COMP: variants seen among roughly 807,000 people sequenced by gnomAD.
COMP encodes the protein cartilage oligomeric matrix protein (pseudoachondroplasia, epiphyseal dysplasia 1, multiple).
A neutral mutation model predicts 95.8 loss-of-function variants in COMP; 79 were observed. That is an observed-to-expected ratio of 0.82 (90% CI 0.69 to 0.99). COMP has a LOEUF of 0.99. COMP is among the 50% of genes least tolerant of loss of function. The pLI, the probability that COMP is intolerant of heterozygous loss-of-function variation, is 0.00. For synonymous variants in COMP, 438 were observed against 433.9 expected (o/e 1.01, Z -0.12); for missense variants, 906 against 1,076.1 (o/e 0.84, Z 2.21).
chr19:18,785,918 A>G (rs1568554745), intron 13 of COMP, 47 bp downstream of exon 13: 5 of 1,596,890 alleles, frequency 3.1e-6, no homozygotes, highest in Admixed American at 1.7e-5. Flanking sequence ...CCGCGCCAGG[A>G]GCCCCCACTG....
rs1010371161 is a variant in COMP, at chr19:18,782,846, G to C, written c.*69C>G. ...CCCCTCAGGACGGCCACCCCTTGGGGCTGGGTGCAGAGCCCCCATCCAGCC... is the reference window on the plus strand; with the variant it reads ...CCCCTCAGGACGGCCACCCCTTGGGCCTGGGTGCAGAGCCCCCATCCAGCC... On this transcript the variant is annotated 3_prime_UTR_variant, in exon 19 of 19. Coordinates refer to ENST00000222271, the MANE Select transcript of COMP (RefSeq NM_000095.3). 6.4e-7 allele frequency: 1 copy of C among 1,569,030 alleles called. No homozygotes were observed. The highest frequency in any genetic ancestry group is 8.7e-7 in the Non-Finnish European group (1 of 1,149,592).
In COMP at chr19:18,788,435, C is replaced by A; in HGVS notation, c.842G>T (p.Arg281Leu). ...DLDGFPDEKL[R>L]CPERQCRKDN... Reference sequence around the variant, plus strand: ...CTTACGGCACTGGCGCTCCGGGCAGCGCAGCTTCTCGTCCGGGAAGCCGTC... The same window carrying A: ...CTTACGGCACTGGCGCTCCGGGCAGAGCAGCTTCTCGTCCGGGAAGCCGTC... Residue 281 changes from arginine to leucine, a missense_variant, in exon 8 of 19, where the codon CGC becomes CTC. By Grantham distance (102) the Arg-to-Leu change is moderately radical (BLOSUM62 -2). Transcript: ENST00000222271. The surrounding 1 kb of genome is among the most constrained non-coding windows in gnomAD (Gnocchi z 4.7). The A allele has an allele frequency of 6.2e-7, 1 of 1,610,270 alleles. No individual in the cohort carries two copies.
At chr19:18,785,940 A>G (rs761831829) in intron 13 of COMP, 25 bp downstream of exon 13, 13 of 1,191,538 alleles carry the variant, frequency 1.1e-5, no homozygotes, top group South Asian at 2.7e-5. Flanking sequence ...CCCCGCCCCC[A>G]CCGCAGGCCC....
intron 2 of COMP, 55 bp downstream of exon 2, chr19:18,790,795 A>G: frequency 6.4e-7 from 1 of 1,566,744 alleles, no homozygotes; most frequent in Non-Finnish European, 8.6e-7. Flanking sequence ...CTCGCTGGGA[A>G]CTGAGACCCC....
Position 18,788,404 on chromosome 19 carries a change from A to T in COMP, c.867+6T>A. ...CCCAAGCCCGCCCCGCTCCGCCCCC[A>T]CCCACCTTACGGCACTGGCGCTCCG... On this transcript the variant is annotated splice_donor_region_variant and intron_variant, in intron 8 of 18. Transcript: ENST00000222271. This position sits in a 1 kb window ranked among gnomAD's most constrained non-coding sequence, Gnocchi z 4.7. 7.8e-6 allele frequency: 4 copies of T among 515,352 alleles called. No homozygotes were observed. The highest frequency in any genetic ancestry group is 1.3e-5 in the Non-Finnish European group (4 of 314,100). 31.9% of individuals were successfully genotyped at this position (515,352 alleles called of 1,614,324 possible). A position where few individuals can be genotyped will look rare whatever the true frequency, so the allele number is the denominator to read the frequency against.
Position 18,786,121 on chromosome 19 carries a change from G to C in COMP, c.1333C>G (p.Arg445Gly). The C allele has an allele frequency of 6.2e-7, 1 of 1,614,152 alleles. No individual in the cohort carries two copies. The highest frequency in any genetic ancestry group is 1.1e-5 in the South Asian group (1 of 91,080). Reference sequence around the variant, plus strand: ...TTAGGCACCGTGGGACAGTTGTCCCGAGAGTCCTGATGTCCGTCTCCATCC... The same window carrying C: ...TTAGGCACCGTGGGACAGTTGTCCCCAGAGTCCTGATGTCCGTCTCCATCC... ...DQDGDGHQDS[R>G]DNCPTVPNSA... The change falls in exon 13 of 19, where the codon CGG (arginine) becomes GGG (glycine). Residue 445 changes from arginine (R) to glycine (G), a missense_variant. Transcript: ENST00000222271.
chr19:18,788,355 C>G lies in COMP; in HGVS notation c.868-36G>C, dbSNP rs2055185213. The G allele has an allele frequency of 1.2e-6, 2 of 1,607,380 alleles. No homozygotes were observed. Among genetic ancestry groups the G allele is most frequent in the East Asian group, 2.2e-5 (1 of 44,836 alleles). On this transcript the variant is annotated intron_variant, in intron 8 of 18. Coordinates refer to ENST00000222271, the MANE Select transcript of COMP (RefSeq NM_000095.3). This position sits in a 1 kb window ranked among gnomAD's most constrained non-coding sequence, Gnocchi z 4.7. The stretch of plus-strand genomic sequence containing the variant: ...GCACAGAAGGTGTGAGGGGCGCGGT[C>G]ATGAAGTCCCGCCCTCCCTCCTGCC...
chr19:18,782,942 A>C lies in COMP; in HGVS notation c.2247T>G (p.Tyr749Ter). ...AGGCTTGCCGCAGCTGATGGGTCTC[A>C]TAGTCCTCTGGGATGGTGTCTGCAG... The part of the protein sequence containing the change: ...YRCNDTIPED[Y>*]ETHQLRQA Residue 749 changes from tyrosine (Y) to a stop codon, truncating the protein, a stop_gained, in exon 19 of 19, where the codon TAT becomes TAG. Transcript: ENST00000222271. LOFTEE classifies it high-confidence loss of function. 1 of 1,612,572 alleles carries C rather than the reference A, an allele frequency of 6.2e-7. No homozygotes were observed. Among genetic ancestry groups the C allele is most frequent in the Non-Finnish European group, 8.5e-7 (1 of 1,179,968 alleles).
intron 17 of COMP, among the ~76,000 whole-genome samples, chr19:18,783,681 C>T (rs2055142967): frequency 6.6e-6 from 1 of 151,742 alleles, no homozygotes; most frequent in Non-Finnish European, 1.5e-5. Context: ...ACGATCTCCA[C>T]TCACTGCAAC....
rs774150359 is a variant in COMP, at chr19:18,784,846, C to T, written c.1914+50G>A. Reference sequence around the variant, plus strand: ...GGCTGTAAAGGGTTTTACGGAGGGTCATGGGAGGGCATGAGGACCGCAGAG... The same window carrying T: ...GGCTGTAAAGGGTTTTACGGAGGGTTATGGGAGGGCATGAGGACCGCAGAG... On this transcript the variant is annotated intron_variant, in intron 16 of 18. Coordinates refer to ENST00000222271, the MANE Select transcript of COMP (RefSeq NM_000095.3). This position sits in a 1 kb window ranked among gnomAD's most constrained non-coding sequence, Gnocchi z 4.9. 6.3e-7 allele frequency: 1 copy of T among 1,597,268 alleles called. No individual in the cohort carries two copies. Among genetic ancestry groups the T allele is most frequent in the South Asian group, 1.1e-5 (1 of 90,692 alleles).
rs759280979 is a variant in COMP, at chr19:18,785,107, A to G, written c.1718-15T>C. 1 of 1,613,208 alleles carries G rather than the reference A, an allele frequency of 6.2e-7. No homozygotes were observed. The highest frequency in any genetic ancestry group is 2.2e-5 in the East Asian group (1 of 44,868). On this transcript the variant is annotated splice_polypyrimidine_tract_variant and intron_variant, in intron 15 of 18. Coordinates refer to ENST00000222271, the MANE Select transcript of COMP (RefSeq NM_000095.3). ...GGCAGTGTAACCTAGGGATGGAAAGAGAGCAGTGGCCTTTCCGAACGCCAG... is the reference window on the plus strand; with the variant it reads ...GGCAGTGTAACCTAGGGATGGAAAGGGAGCAGTGGCCTTTCCGAACGCCAG...
In COMP at chr19:18,782,874, G is replaced by A. The variant is rs933381236; in HGVS notation, c.*41C>T. On this transcript the variant is annotated 3_prime_UTR_variant, in exon 19 of 19. Coordinates refer to ENST00000222271, the MANE Select transcript of COMP (RefSeq NM_000095.3). ...GGGTGCAGAGCCCCCATCCAGCCGC[G>A]GTGAGGGTGGCTGTCATCCGGCGGG... The A allele has an allele frequency of 6.2e-6, 10 of 1,605,690 alleles. No individual in the cohort carries two copies. Among genetic ancestry groups the A allele is most frequent in the East Asian group, 4.5e-5 (2 of 44,870 alleles).
At position 18,786,531 on chromosome 19, in the gene COMP, C is replaced by T. The variant is rs1489650628; in HGVS notation, c.1254+1G>A. ...CCAGCTGGAGTCTGGCCTGCCCTCACCTGATCCGGGTTGCTCTTCTGGGGA... is the reference window on the plus strand; with the variant it reads ...CCAGCTGGAGTCTGGCCTGCCCTCATCTGATCCGGGTTGCTCTTCTGGGGA... On this transcript the variant is annotated splice_donor_variant, in intron 11 of 18. Coordinates refer to ENST00000222271, the MANE Select transcript of COMP (RefSeq NM_000095.3). LOFTEE classifies it high-confidence loss of function. 5 of 1,613,340 alleles carry T rather than the reference C, an allele frequency of 3.1e-6. No individual in the cohort carries two copies. The highest frequency in any genetic ancestry group is 1.3e-5 in the African/African-American group (1 of 74,902).
intron 17 of COMP, 129 bp from the exon 18 acceptor site, chr19:18,783,322 T>A: frequency 2.3e-6 from 3 of 1,319,668 alleles, no homozygotes; most frequent in African/African-American, 1.5e-5. Flanking sequence ...GGCCTCTGCC[T>A]TGGGCCTCAG....
In COMP at chr19:18,786,665, G is replaced by A. The variant is rs767821156; in HGVS notation, c.1136-15C>T. The A allele has an allele frequency of 2.5e-6, 4 of 1,599,826 alleles. No homozygotes were observed. Among genetic ancestry groups the A allele is most frequent in the East Asian group, 2.3e-5 (1 of 44,404 alleles). On this transcript the variant is annotated splice_polypyrimidine_tract_variant and intron_variant, in intron 10 of 18. Coordinates refer to ENST00000222271, the MANE Select transcript of COMP (RefSeq NM_000095.3). ...GTTGCGGATCCCTGCAGAAATCCAC[G>A]GGACCAGAGCCCCAAGATTGGGACC... is the stretch of plus-strand genomic sequence containing the variant.
intron 2 of COMP, 109 bp from the exon 3 acceptor site, chr19:18,790,722 C>A (rs2055206761): frequency 6.2e-7 from 1 of 1,609,864 alleles, no homozygotes; most frequent in Admixed American, 1.7e-5. Flanking sequence ...GCCAAGGACT[C>A]CCTACCCGCC....
Position 18,788,426 on chromosome 19 carries a change from T to C in COMP, c.851A>G (p.Glu284Gly), listed in dbSNP as rs2055186034. 6.9e-7 allele frequency: 1 copy of C among 1,443,962 alleles called. No individual in the cohort carries two copies. 89.4% of individuals were successfully genotyped at this position (1,443,962 alleles called of 1,614,324 possible). Residue 284 changes from glutamate to glycine, a missense_variant, in exon 8 of 19, where the codon GAG becomes GGG. Glu to Gly is a moderately conservative substitution (Grantham distance 98). Transcript: ENST00000222271. The surrounding 1 kb of genome is among the most constrained non-coding windows in gnomAD (Gnocchi z 4.7). Reference sequence around the variant, plus strand: ...CCCACCCACCTTACGGCACTGGCGCTCCGGGCAGCGCAGCTTCTCGTCCGG... The same window carrying C: ...CCCACCCACCTTACGGCACTGGCGCCCCGGGCAGCGCAGCTTCTCGTCCGG... ...GFPDEKLRCP[E>G]RQCRKDNCVT...
At position 18,785,696 on chromosome 19, in the gene COMP, G is replaced by C. The variant is rs1043943664; in HGVS notation, c.1645C>G (p.Pro549Ala). 1.2e-6 allele frequency: 2 copies of C among 1,613,306 alleles called. No homozygotes were observed. Among genetic ancestry groups the C allele is most frequent in the African/African-American group, 2.7e-5 (2 of 74,930 alleles). The change falls in exon 14 of 19, where the codon CCC becomes GCC. Residue 549 changes from proline (P) to alanine (A), a missense_variant. By Grantham distance (27) the Pro-to-Ala change is conservative. Transcript: ENST00000222271. ...ACCTGGTTGAGCACCACCCAGTTGGGGTCAATCTGCGCGTCACCCTCCGGG... is the reference window on the plus strand; with the variant it reads ...ACCTGGTTGAGCACCACCCAGTTGGCGTCAATCTGCGCGTCACCCTCCGGG... ...LDPEGDAQID[P>A]NWVVLNQGRE... is the part of the protein sequence containing the mutation.
Position 18,784,485 on chromosome 19 carries a change from G to T in COMP, c.1915-122C>A. The T allele has an allele frequency of 8.7e-7, 1 of 1,150,770 alleles. No homozygotes were observed. The highest frequency in any genetic ancestry group is 2.5e-5 in the East Asian group (1 of 39,564). 71.3% of individuals were successfully genotyped at this position (1,150,770 alleles called of 1,614,324 possible). On this transcript the variant is annotated intron_variant, in intron 16 of 18. Coordinates refer to ENST00000222271, the MANE Select transcript of COMP (RefSeq NM_000095.3). The surrounding 1 kb of genome is among the most constrained non-coding windows in gnomAD (Gnocchi z 4.9). ...GGCGGCCAGGGGGATCCGGATGAGA[G>T]ACCCACAAGGAAGCCTTCTTCAGGG...
Sources: allele counts gnomAD v4.1 joint callset (sites outside exome capture counted in the v4.1 genomes callset), GRCh38; gene constraint gnomAD v4.1.1; non-coding constraint Gnocchi (gnomAD v3.1); transcripts MANE v1.5; gene names NCBI Gene and HGNC (gene_info 2026-07-23, HGNC 2026-07-21).